NEMP1: variants seen among roughly 807,000 people sequenced by gnomAD.
NEMP1 encodes nuclear envelope integral membrane protein 1, also known as transmembrane protein 194.
In NEMP1, 29 loss-of-function variants were observed where a neutral mutation model predicts 53.7. The observed-to-expected ratio is 0.54, with a 90% CI of 0.40 to 0.74. The LOEUF (loss-of-function observed/expected upper bound fraction) is 0.74. Ranked by LOEUF, NEMP1 falls within the 30% of genes least tolerant of loss-of-function variation. The probability of loss-of-function intolerance (pLI) is 0.00; values close to 1 mark genes in which losing one functional copy is unlikely to be tolerated. For missense variants in NEMP1, 477 were observed against 528.6 expected (o/e 0.90, Z 0.96); for synonymous variants, 193 against 192.9 (o/e 1.00, Z 0.00).
At position 57,057,009 on chromosome 12, in the gene NEMP1, G is replaced by C. The variant is rs1340530162; in HGVS notation, c.*2870C>G. 1 of 152,180 alleles carries C rather than the reference G, an allele frequency of 6.6e-6. No individual in the cohort carries two copies. The allele number at this position is 152,180 out of a possible 1,614,324, so 9.4% of individuals were successfully genotyped here. The stretch of plus-strand genomic sequence containing the variant: ...GCTAACAGGAATTACTTATTAGAAG[G>C]TAATGAAGTTGCTAAATTTTCCTTG... On this transcript the variant is annotated 3_prime_UTR_variant, in exon 9 of 9. Coordinates refer to ENST00000300128, the MANE Select transcript of NEMP1 (RefSeq NM_001130963.2).
At chr12:57,067,392 C>T (rs946270083) in intron 4 of NEMP1, among the ~76,000 whole-genome samples, 2 of 151,468 alleles carry the variant, frequency 1.3e-5, no homozygotes, top group Non-Finnish European at 2.9e-5. Flanking sequence ...AAAATAATTG[C>T]AACAGCAGCA....
At chr12:57,075,748 T>C (rs1415920832) in intron 1 of NEMP1, among the ~76,000 whole-genome samples, 1,342 of 122,412 alleles carry the variant, frequency 0.011, no homozygotes, top group African/African-American at 0.017. Flanking sequence ...GGGCAGATCA[T>C]TTGAGGTCAG....
At chr12:57,070,057 C>T (rs530705176) in intron 3 of NEMP1, among the ~76,000 whole-genome samples, 1 of 152,264 alleles carries the variant, frequency 6.6e-6, no homozygotes, top group East Asian at 1.9e-4. Flanking sequence ...TCCCAGGACC[C>T]TGTGTAGTAA....
intron 3 of NEMP1, 62 bp downstream of exon 3, chr12:57,070,612 A>AC (rs1253658026): frequency 7.2e-7 from 1 of 1,391,878 alleles, no homozygotes; most frequent in Non-Finnish European, 9.9e-7. Flanking sequence ...CACTAATTAT[A>AC]CCCTTCAGAA....
Position 57,056,359 on chromosome 12 carries a change from T to C in NEMP1, c.*3520A>G, listed in dbSNP as rs964719273. 5 of 152,328 alleles carry C rather than the reference T, an allele frequency of 3.3e-5. No homozygotes were observed. The South Asian group carries it at 8.3e-4, about 25-fold the overall frequency. 9.4% of individuals were successfully genotyped at this position (152,328 alleles called of 1,614,324 possible). A position where few individuals can be genotyped will look rare whatever the true frequency, so the allele number is the denominator to read the frequency against. The stretch of plus-strand genomic sequence containing the variant: ...ATAAAAAAAAAATCAATTTCTGCTA[T>C]GTAGAAAAAGAAACAAAAGGTTTAG... On this transcript the variant is annotated 3_prime_UTR_variant, in exon 9 of 9. Coordinates refer to ENST00000300128, the MANE Select transcript of NEMP1 (RefSeq NM_001130963.2).
upstream of NEMP1, among the ~76,000 whole-genome samples, chr12:57,082,706 T>C (rs995177672): frequency 6.6e-6 from 1 of 151,922 alleles, no homozygotes; most frequent in Non-Finnish European, 1.5e-5. Context: ...AGTAAGACCT[T>C]GTTGCTAAAA....
chr12:57,069,391 G>A (rs1056642477), intron 3 of NEMP1, 85 bp from the exon 4 acceptor site: 1 of 820,148 alleles, frequency 1.2e-6, no homozygotes, highest in African/African-American at 1.8e-5. Context: ...GGCACTATTG[G>A]TCAGCTACAG....
In NEMP1 at chr12:57,064,113, T is replaced by A. The variant is rs745617820; in HGVS notation, c.712A>T (p.Asn238Tyr). 1 of 1,610,960 alleles carries A rather than the reference T, an allele frequency of 6.2e-7. No homozygotes were observed. The highest frequency in any genetic ancestry group is 8.5e-7 in the Non-Finnish European group (1 of 1,178,978). The change falls in exon 6 of 9, where the codon AAT becomes TAT. Residue 238 changes from asparagine to tyrosine, a missense_variant. By Grantham distance (143) the Asn-to-Tyr change is moderately radical (BLOSUM62 -2). Coordinates refer to ENST00000300128, the MANE Select transcript of NEMP1 (RefSeq NM_001130963.2). ...SLYLIQLVFK[N>Y]LQEIWRCYWQ... Reference sequence around the variant, plus strand: ...TAACACCTCCAGATCTCTTGTAAATTTTTAAAAACTAGTTGAATGAGGTAC... The same window carrying A: ...TAACACCTCCAGATCTCTTGTAAATATTTAAAAACTAGTTGAATGAGGTAC...
At chr12:57,062,306 C>CA (rs1486389731) in intron 7 of NEMP1, among the ~76,000 whole-genome samples, 10 of 151,778 alleles carry the variant, frequency 6.6e-5, no homozygotes, top group African/African-American at 2.4e-4. Flanking sequence ...ATGGTGAAAC[C>CA]ACATCTCTAT....
rs756266407 is a variant in NEMP1 at position 57,063,171 on chromosome 12, G to A, written c.928C>T (p.Leu310Phe). The change falls in exon 7 of 9, where the codon CTT (leucine) becomes TTT (phenylalanine). Residue 310 changes from leucine (L) to phenylalanine (F), a missense_variant. Leu to Phe is a conservative substitution (Grantham distance 22). Transcript: ENST00000300128. ...HIALAIIIIA[L>F]CTKNLEHPIQ... Reference sequence around the variant, plus strand: ...GGGTGTTCCAGGTTCTTAGTACAAAGAGCAATGATGATAATGGCAAGGGCA... The same window carrying A: ...GGGTGTTCCAGGTTCTTAGTACAAAAAGCAATGATGATAATGGCAAGGGCA... The A allele has an allele frequency of 1.2e-6, 2 of 1,614,156 alleles. No homozygotes were observed. The highest frequency in any genetic ancestry group is 2.7e-5 in the African/African-American group (2 of 75,042).
Position 57,078,700 on chromosome 12 carries a change from C to T in NEMP1, c.46G>A (p.Gly16Arg), listed in dbSNP as rs968224122. 2 of 1,613,456 alleles carry T rather than the reference C, an allele frequency of 1.2e-6. No individual in the cohort carries two copies. Among genetic ancestry groups the T allele is most frequent in the Non-Finnish European group, 1.7e-6 (2 of 1,179,700 alleles). ...KVAVSPAVGP[G>R]PWGSGVGGGG... is the part of the protein sequence containing the mutation. ...CCCCCGACTCCCGAGCCCCAGGGCC[C>T]GGGACCAACTGCCGGCGAGACCGCC... Residue 16 changes from glycine (G) to arginine (R), a missense_variant, in exon 1 of 9, where the codon GGG becomes AGG. Coordinates refer to ENST00000300128, the MANE Select transcript of NEMP1 (RefSeq NM_001130963.2).
At chr12:57,088,481 A>T (rs2233267), upstream of NEMP1, among the ~76,000 whole-genome samples, 14,643 of 152,218 alleles carry the variant, frequency 0.096, 760 homozygotes, top group East Asian at 0.19. Flanking sequence ...GAAGCCGCAC[A>T]GCCCAGCCTT....
chr12:57,065,225 T>G (rs2032014564), intron 4 of NEMP1, among the ~76,000 whole-genome samples: 1 of 152,156 alleles, frequency 6.6e-6, no homozygotes, highest in Non-Finnish European at 1.5e-5. Context: ...GACTCATCCT[T>G]TCAATGAAGA....
At chr12:57,081,174 G>A (rs2136526153), upstream of NEMP1, among the ~76,000 whole-genome samples, 1 of 152,208 alleles carries the variant, frequency 6.6e-6, no homozygotes, top group Non-Finnish European at 1.5e-5. Context: ...TTCCAATAGA[G>A]GCATCCTACA....
chr12:57,062,196 T>C (rs2136483936), intron 7 of NEMP1, among the ~76,000 whole-genome samples: 1 of 152,146 alleles, frequency 6.6e-6, no homozygotes, highest in Non-Finnish European at 1.5e-5. Context: ...TAGTCTGAAA[T>C]GGGCTGGGTG....
intron 1 of NEMP1, among the ~76,000 whole-genome samples, chr12:57,087,762 G>A (rs2033056396): frequency 6.6e-6 from 1 of 151,916 alleles, no homozygotes; most frequent in Non-Finnish European, 1.5e-5. Context: ...CCTCAGAAGT[G>A]CGGACAGAGA....
At chr12:57,066,518 C>G (rs1420006748) in intron 4 of NEMP1, among the ~76,000 whole-genome samples, 1 of 152,190 alleles carries the variant, frequency 6.6e-6, no homozygotes, top group Non-Finnish European at 1.5e-5. Context: ...ATGTATGACT[C>G]TTCCTTTCAG....
chr12:57,064,272 T>A lies in NEMP1; in HGVS notation c.640-87A>T, dbSNP rs1029172096. On this transcript the variant is annotated intron_variant, in intron 5 of 8. Coordinates refer to ENST00000300128, the MANE Select transcript of NEMP1 (RefSeq NM_001130963.2). ...GCAAAATGGAACTATGATTTTTTTT[T>A]TAAAAAATTCAACCTACTCAAAATG... The A allele has an allele frequency of 1.3e-5, 11 of 818,782 alleles. No individual in the cohort carries two copies. The African/African-American group carries it at 1.6e-4, about 12-fold the overall frequency. 50.7% of individuals were successfully genotyped at this position (818,782 alleles called of 1,614,324 possible).
At chr12:57,086,278 A>C (rs2032988903) in intron 1 of NEMP1, among the ~76,000 whole-genome samples, 1 of 152,116 alleles carries the variant, frequency 6.6e-6, no homozygotes, top group Admixed American at 6.5e-5. Context: ...TTCTTGGAAA[A>C]CTAGGACTGA....
Sources: gnomAD v4.1 joint callset for allele counts (sites outside exome capture counted in the v4.1 genomes callset) on GRCh38, gnomAD v4.1.1 for gene constraint, MANE v1.5 for transcripts, NCBI Gene and HGNC (gene_info 2026-07-23, HGNC 2026-07-21) for gene names.